The following NSD1 variants were observed in gnomAD, a reference collection of about 807,000 sequenced individuals.
The protein encoded by NSD1 is histone-lysine N-methyltransferase, H3 lysine-36 specific.
Under a neutral mutation model 242.7 loss-of-function variants are expected in NSD1, and 26 were observed. The observed-to-expected ratio is 0.11, with a 90% CI of 0.08 to 0.15. The LOEUF (loss-of-function observed/expected upper bound fraction) is 0.15. Among genes scored for constraint, NSD1 ranks in the 10% least tolerant of loss-of-function variants. The probability of loss-of-function intolerance (pLI) is 1.00; values close to 1 mark genes in which losing one functional copy is unlikely to be tolerated. For missense variants in NSD1, 2,495 were observed against 3,272.8 expected, an observed-to-expected ratio of 0.76 and a Z score of 5.80; for synonymous variants, 1,106 against 1,178.1, an observed-to-expected ratio of 0.94 and a Z score of 1.25.
At chr5:177,195,897 G>A (rs1307965108) in intron 3 of NSD1, among the ~76,000 whole-genome samples, 2 of 152,178 alleles carry the variant, frequency 1.3e-5, no homozygotes, top group Middle Eastern at 3.4e-3. Flanking sequence ...CATCTATACT[G>A]CTTGCTCTCA....
chr5:177,135,085 A>C lies in NSD1; in HGVS notation c.-17-2A>C. ...ATTAATTGCTGTGCTTTTGGATTCCAGGTTGATGCCGGCCCAGGATGGATC... is the reference window on the plus strand; with the variant it reads ...ATTAATTGCTGTGCTTTTGGATTCCCGGTTGATGCCGGCCCAGGATGGATC... On this transcript the variant is annotated splice_acceptor_variant, in intron 1 of 22. Coordinates refer to ENST00000439151, the MANE Select transcript of NSD1 (RefSeq NM_022455.5). LOFTEE classifies it low-confidence loss of function (5UTR_SPLICE). 1.2e-6 allele frequency: 2 copies of C among 1,613,612 alleles called. No individual in the cohort carries two copies. The highest frequency in any genetic ancestry group is 2.2e-5 in the South Asian group (2 of 91,068).
Position 177,271,432 on chromosome 5 carries a change from A to G in NSD1, c.5509+1625A>G, listed in dbSNP as rs199795478. The stretch of plus-strand genomic sequence containing the variant: ...GGTGGATACCATCCTGATCTTGCAG[A>G]TGAGGAAACTGAGGCACATTAATGT... On this transcript the variant is annotated intron_variant, in intron 16 of 22. Coordinates refer to ENST00000439151, the MANE Select transcript of NSD1 (RefSeq NM_022455.5). Among the ~76,000 whole-genome samples, 5 of 152,264 alleles carry G rather than the reference A, an allele frequency of 3.3e-5. No individual in the cohort carries two copies. The East Asian group carries it at 9.6e-4, about 29-fold the overall frequency.
At chr5:177,155,011 G>A (rs1246578356) in intron 2 of NSD1, among the ~76,000 whole-genome samples, 1 of 143,064 alleles carries the variant, frequency 7.0e-6, no homozygotes, top group Admixed American at 7.1e-5. Flanking sequence ...TTTTTTTTGA[G>A]TCAGAGTCTT....
chr5:177,227,447 G>A (rs977823423), intron 5 of NSD1, among the ~76,000 whole-genome samples: 50 of 152,216 alleles, frequency 3.3e-4, no homozygotes, highest in Middle Eastern at 3.4e-3. Context: ...ATTTTTATGA[G>A]TTAAATATTA....
At position 177,147,596 on chromosome 5, in the gene NSD1, G is replaced by GT. The variant is rs563484379; in HGVS notation, c.927+11576dup. ...AAATCAATAGTTGTTTTTTTTGTTTGTTTTTTTTTTGAGACGGAGTTTCAC... is the reference window on the plus strand; with the variant it reads ...AAATCAATAGTTGTTTTTTTTGTTTGTTTTTTTTTTTGAGACGGAGTTTCAC... On this transcript the variant is annotated intron_variant, in intron 2 of 22. Transcript: ENST00000439151. Among the ~76,000 whole-genome samples the GT allele has an allele frequency of 2.6e-3, 381 of 146,690 alleles. 1 individual carries two copies. Among genetic ancestry groups the GT allele is most frequent in the South Asian group, 0.01 (47 of 4,588 alleles).
At chr5:177,178,653 A>G (rs1760407877) in intron 2 of NSD1, among the ~76,000 whole-genome samples, 1 of 152,216 alleles carries the variant, frequency 6.6e-6, no homozygotes, top group South Asian at 2.1e-4. Flanking sequence ...CACTGAAGCT[A>G]GAGTGCAGTG....
At chr5:177,284,769 C>T (rs552817504) in intron 20 of NSD1, among the ~76,000 whole-genome samples, 17 of 152,342 alleles carry the variant, frequency 1.1e-4, no homozygotes, top group Admixed American at 4.6e-4. Flanking sequence ...TGATCTCTCA[C>T]TCTTCCATAT....
intron 2 of NSD1, among the ~76,000 whole-genome samples, chr5:177,149,791 TC>T (rs1757555031): frequency 6.6e-6 from 1 of 152,114 alleles, no homozygotes; most frequent in South Asian, 2.1e-4. Flanking sequence ...GCGATAATGC[TC>T]CCTTGTCTGC....
intron 16 of NSD1, among the ~76,000 whole-genome samples, chr5:177,272,651 A>C (rs1047736784): frequency 6.6e-6 from 1 of 152,148 alleles, no homozygotes; most frequent in Non-Finnish European, 1.5e-5. Context: ...ACACTTTGGA[A>C]GGCTGAGGCA....
At chr5:177,160,253 A>G (rs1347052217) in intron 2 of NSD1, among the ~76,000 whole-genome samples, 4 of 152,080 alleles carry the variant, frequency 2.6e-5, no homozygotes, top group Admixed American at 1.3e-4. Flanking sequence ...ACTGTCTTCA[A>G]GATTACCCTT....
intron 5 of NSD1, among the ~76,000 whole-genome samples, chr5:177,227,069 A>T (rs1204066806): frequency 6.6e-6 from 1 of 152,210 alleles, no homozygotes; most frequent in Non-Finnish European, 1.5e-5. Context: ...GAGATACATG[A>T]TGAAACACAT....
intron 2 of NSD1, among the ~76,000 whole-genome samples, chr5:177,187,943 A>G (rs946545264): frequency 5.3e-5 from 8 of 152,196 alleles, no homozygotes; most frequent in Admixed American, 1.3e-4. Flanking sequence ...CATATATAAA[A>G]AAGGCTTAGT....
intron 5 of NSD1, among the ~76,000 whole-genome samples, chr5:177,233,406 T>C (rs1319859696): frequency 6.6e-6 from 1 of 152,020 alleles, no homozygotes; most frequent in Non-Finnish European, 1.5e-5. Flanking sequence ...TTTGGCTCTG[T>C]CACCCAGCCT....
Position 177,209,622 on chromosome 5 carries a change from C to T in NSD1, c.1237-14C>T. On this transcript the variant is annotated splice_polypyrimidine_tract_variant and intron_variant, in intron 4 of 22. Coordinates refer to ENST00000439151, the MANE Select transcript of NSD1 (RefSeq NM_022455.5). Reference sequence around the variant, plus strand: ...TTTGATAAGTGATAATTCTTTTTCTCCTTTAAATTTAAGGTTCCTCAGAAA... The same window carrying T: ...TTTGATAAGTGATAATTCTTTTTCTTCTTTAAATTTAAGGTTCCTCAGAAA... 3.7e-6 allele frequency: 6 copies of T among 1,603,242 alleles called. No homozygotes were observed. Among genetic ancestry groups the T allele is most frequent in the Non-Finnish European group, 5.1e-6 (6 of 1,170,994 alleles).
At chr5:177,209,017 G>T (rs1471209866) in intron 4 of NSD1, among the ~76,000 whole-genome samples, 4 of 151,924 alleles carry the variant, frequency 2.6e-5, no homozygotes, top group Admixed American at 2.0e-4. Context: ...ATTTAGAAAT[G>T]TAATGTTACC....
intron 4 of NSD1, among the ~76,000 whole-genome samples, chr5:177,205,019 AT>A (rs1291464206): frequency 1.3e-5 from 2 of 152,044 alleles, no homozygotes; most frequent in Admixed American, 6.6e-5. Flanking sequence ...AATGAGAATA[AT>A]GTGGTTTTTT....
At chr5:177,239,034 A>G (rs1765655904) in intron 7 of NSD1, among the ~76,000 whole-genome samples, 1 of 152,178 alleles carries the variant, frequency 6.6e-6, no homozygotes, top group Non-Finnish European at 1.5e-5. Flanking sequence ...ACCTGGGGAG[A>G]GTTGGATCTA....
intron 8 of NSD1, among the ~76,000 whole-genome samples, chr5:177,243,731 T>C (rs1368045521): frequency 6.6e-6 from 1 of 151,902 alleles, no homozygotes; most frequent in African/African-American, 2.4e-5. Context: ...TCGCTTTTGT[T>C]GCCTAGACTG....
At chr5:177,148,613 C>T (rs548866057) in intron 2 of NSD1, among the ~76,000 whole-genome samples, 6 of 151,560 alleles carry the variant, frequency 4.0e-5, no homozygotes, top group Admixed American at 6.6e-5. Flanking sequence ...TTAGTAGAGA[C>T]GGGGTTTCAC....
Sources: gnomAD v4.1 joint callset for allele counts (sites outside exome capture counted in the v4.1 genomes callset) on GRCh38, gnomAD v4.1.1 for gene constraint, MANE v1.5 for transcripts, NCBI Gene and HGNC (gene_info 2026-07-23, HGNC 2026-07-21) for gene names.